AMBRA1: variants seen among roughly 807,000 people sequenced by gnomAD.
AMBRA1 encodes the protein autophagy and beclin 1 regulator 1.
AMBRA1 carries 47 observed loss-of-function variants against 125.4 expected under a neutral mutation model. The observed-to-expected ratio is 0.37, with a 90% CI of 0.30 to 0.48. The LOEUF is 0.48. AMBRA1 is among the 20% of genes least tolerant of loss of function. The pLI is 0.99. For synonymous variants in AMBRA1, 626 were observed against 655.5 expected, an observed-to-expected ratio of 0.95 and a Z score of 0.69; for missense variants, 1,331 against 1,693.4, an observed-to-expected ratio of 0.79 and a Z score of 3.76.
At chr11:46,440,023 T>A (rs528254408) in intron 12 of AMBRA1, among the ~76,000 whole-genome samples, 1 of 152,254 alleles carries the variant, frequency 6.6e-6, no homozygotes, top group African/African-American at 2.4e-5. Context: ...AGTGGAATAA[T>A]AATTTGGCAC....
At chr11:46,459,955 G>A (rs966630937) in intron 11 of AMBRA1, among the ~76,000 whole-genome samples, 1 of 152,146 alleles carries the variant, frequency 6.6e-6, no homozygotes, top group Admixed American at 6.5e-5. Flanking sequence ...TTCACTGAGT[G>A]CCGGTCAGAA....
Position 46,508,315 on chromosome 11 carries a change from C to G in AMBRA1, c.2215G>C (p.Asp739His). 6.2e-7 allele frequency: 1 copy of G among 1,614,202 alleles called. No homozygotes were observed. The highest frequency in any genetic ancestry group is 8.5e-7 in the Non-Finnish European group (1 of 1,180,034). ...QRMIQYLSRR[D>H]SIRQRSMRYQ... is the part of the protein sequence containing the mutation. ...CGCATGGAGCGCTGGCGAATACTGT[C>G]TCTCCGTGAGAGATACTGGATCATC... The change falls in exon 9 of 18, where the codon GAC becomes CAC. Residue 739 changes from aspartate to histidine, a missense_variant. Asp to His is a moderately conservative substitution (Grantham distance 81, BLOSUM62 -1). Around this residue, in one of 4 missense-constraint regions of AMBRA1, gnomAD observed 689 missense variants for 776.5 expected, o/e 0.89. Transcript: ENST00000683756.
At chr11:46,520,818 G>A (rs1222485700) in intron 7 of AMBRA1, among the ~76,000 whole-genome samples, 1 of 151,358 alleles carries the variant, frequency 6.6e-6, no homozygotes, top group Non-Finnish European at 1.5e-5. Context: ...TGTTAGCCAG[G>A]ATGGTCTCGA....
intron 7 of AMBRA1, among the ~76,000 whole-genome samples, chr11:46,536,612 G>C (rs1365293859): frequency 6.6e-6 from 1 of 152,150 alleles, no homozygotes; most frequent in Non-Finnish European, 1.5e-5. Context: ...GCCCCCTTTT[G>C]TGGACCTACA....
At chr11:46,448,369 GA>G (rs1358997210) in intron 11 of AMBRA1, among the ~76,000 whole-genome samples, 1 of 152,164 alleles carries the variant, frequency 6.6e-6, no homozygotes, top group Non-Finnish European at 1.5e-5. Flanking sequence ...ATGGCTCAAA[GA>G]ATATGTCTCA....
chr11:46,443,272 C>T (rs1056573527), intron 12 of AMBRA1, among the ~76,000 whole-genome samples: 1 of 152,108 alleles, frequency 6.6e-6, no homozygotes, highest in Non-Finnish European at 1.5e-5. Flanking sequence ...TAATTAAACT[C>T]GATTAATCCA....
At position 46,547,795 on chromosome 11, in the gene AMBRA1, G is replaced by A. The variant is rs751804797; in HGVS notation, c.194+22C>T. The A allele has an allele frequency of 2.7e-5, 44 of 1,600,028 alleles. No homozygotes were observed. The Admixed American group carries it at 7.3e-4, about 27-fold the overall frequency. On this transcript the variant is annotated intron_variant, in intron 3 of 17. Transcript: ENST00000683756. ...AAAGCACTGTTATCACAAATCTTAAGTTATAGATAAATACTGAGTACCTGT... is the reference window on the plus strand; with the variant it reads ...AAAGCACTGTTATCACAAATCTTAAATTATAGATAAATACTGAGTACCTGT...
chr11:46,572,165 G>A (rs1354554875), intron 1 of AMBRA1, among the ~76,000 whole-genome samples: 4 of 152,154 alleles, frequency 2.6e-5, no homozygotes, highest in Non-Finnish European at 5.9e-5. Flanking sequence ...GCTGGGCGTG[G>A]TGGCGCCAGC....
intron 11 of AMBRA1, among the ~76,000 whole-genome samples, chr11:46,487,199 A>G (rs1950298421): frequency 6.6e-6 from 1 of 151,962 alleles, no homozygotes; most frequent in African/African-American, 2.4e-5. Flanking sequence ...TTGAGGGTGC[A>G]GTGAGTCGTG....
At chr11:46,562,887 G>A (rs146165446) in intron 1 of AMBRA1, among the ~76,000 whole-genome samples, 523 of 150,230 alleles carry the variant, frequency 3.5e-3, no homozygotes, top group African/African-American at 0.012. Flanking sequence ...TGCAATCTCC[G>A]CCTCCCAGGT....
At position 46,474,792 on chromosome 11, in the gene AMBRA1, AAAGTT is replaced by A. The variant is rs558293357; in HGVS notation, c.2521+18811_2521+18815del. Among the ~76,000 whole-genome samples the A allele has an allele frequency of 4.6e-5, 7 of 152,340 alleles. No homozygotes were observed. The South Asian group carries it at 1.5e-3, about 32-fold the overall frequency. On this transcript the variant is annotated intron_variant, in intron 11 of 17. Coordinates refer to ENST00000683756, the MANE Select transcript of AMBRA1 (RefSeq NM_001387011.1). ...TGGATTTTCCCTATGGCTAGCAGGT[AAAGTT>A]AAGTTCAAGGAAAGAAATACAGTAC...
intron 11 of AMBRA1, among the ~76,000 whole-genome samples, chr11:46,466,029 C>T (rs1431899332): frequency 6.6e-6 from 1 of 152,104 alleles, no homozygotes; most frequent in Non-Finnish European, 1.5e-5. Flanking sequence ...ATAGTGATCT[C>T]AAAACAGAAA....
chr11:46,431,879 T>C (rs1947468431), intron 14 of AMBRA1, among the ~76,000 whole-genome samples: 1 of 152,246 alleles, frequency 6.6e-6, no homozygotes, highest in Non-Finnish European at 1.5e-5. Flanking sequence ...TCCAGCCATA[T>C]GGAATTCAAG....
chr11:46,440,757 C>T (rs570961844), intron 12 of AMBRA1, among the ~76,000 whole-genome samples: 1 of 152,272 alleles, frequency 6.6e-6, no homozygotes, highest in African/African-American at 2.4e-5. Flanking sequence ...TAGATGGTTG[C>T]TGCTGAAGTT....
At chr11:46,556,272 T>G (rs1432204048) in intron 1 of AMBRA1, among the ~76,000 whole-genome samples, 1 of 152,200 alleles carries the variant, frequency 6.6e-6, no homozygotes, top group East Asian at 1.9e-4. Context: ...GTTCAAACTG[T>G]AAGCACCACA....
intron 7 of AMBRA1, among the ~76,000 whole-genome samples, chr11:46,516,919 G>A (rs562621660): frequency 1.2e-4 from 19 of 152,018 alleles, no homozygotes; most frequent in Admixed American, 1.0e-3. Context: ...GTTCAGGTTC[G>A]AAGCTGCTAT....
At chr11:46,427,081 T>G (rs772187352) in intron 14 of AMBRA1, among the ~76,000 whole-genome samples, 2 of 151,378 alleles carry the variant, frequency 1.3e-5, no homozygotes, top group Non-Finnish European at 2.9e-5. Context: ...AGGACTATAT[T>G]ATAAGTTCAA....
intron 1 of AMBRA1, among the ~76,000 whole-genome samples, chr11:46,565,800 C>A (rs1270176747): frequency 6.6e-6 from 1 of 151,848 alleles, no homozygotes; most frequent in Non-Finnish European, 1.5e-5. Context: ...GAAGGGGTCT[C>A]CCTCTGTCGC....
At chr11:46,437,085 T>C (rs1350504987) in intron 12 of AMBRA1, among the ~76,000 whole-genome samples, 3 of 152,202 alleles carry the variant, frequency 2.0e-5, no homozygotes, top group East Asian at 1.9e-4. Flanking sequence ...TAGAAGGCTA[T>C]AGTAACCCTC....
Sources: gnomAD v4.1 joint callset for allele counts (sites outside exome capture counted in the v4.1 genomes callset) on GRCh38, gnomAD v4.1.1 for gene constraint, gnomAD v4.1.1 regional missense constraint, MANE v1.5 for transcripts, NCBI Gene and HGNC (gene_info 2026-07-23, HGNC 2026-07-21) for gene names.